Variants in DISC1 observed in about 807,000 individuals in gnomAD.
DISC1 encodes disrupted in schizophrenia 1 protein.
DISC1 carries 57 observed loss-of-function variants against 84.5 expected under a neutral mutation model. The observed-to-expected ratio is 0.67, with a 90% CI of 0.55 to 0.84. The LOEUF is 0.84. Ranked by LOEUF, DISC1 falls within the 40% of genes least tolerant of loss-of-function variation. DISC1 has a pLI of 0.00. For synonymous variants in DISC1, 411 were observed against 415.2 expected, an observed-to-expected ratio of 0.99 and a Z score of 0.12; for missense variants, 1,000 against 1,057.8, an observed-to-expected ratio of 0.95 and a Z score of 0.76.
intron 6 of DISC1, among the ~76,000 whole-genome samples, chr1:231,778,024 G>A (rs2077087260): frequency 6.6e-6 from 1 of 152,168 alleles, no homozygotes; most frequent in Admixed American, 6.5e-5. Context: ...ATGGAAAGAA[G>A]TCCAGCCCAG....
intron 12 of DISC1, among the ~76,000 whole-genome samples, chr1:232,032,341 A>G (rs1199282827): frequency 6.6e-6 from 1 of 152,250 alleles, no homozygotes. Context: ...AGAAGACTCC[A>G]TCTAAAGAAT....
Position 232,009,405 on chromosome 1 carries a change from A to G in DISC1, c.2307+356A>G, listed in dbSNP as rs1191836557. On this transcript the variant is annotated intron_variant, in intron 11 of 12. Coordinates refer to ENST00000439617, the MANE Select transcript of DISC1 (RefSeq NM_018662.3). The surrounding 1 kb of genome is among the most constrained non-coding windows in gnomAD (Gnocchi z 4.6). ...TCACTATAGATTATATATGCCATAC[A>G]TGATATTTAACATATATACTATACA... 1.4e-6 allele frequency: 1 copy of G among 719,622 alleles called. No homozygotes were observed. The highest frequency in any genetic ancestry group is 1.9e-5 in the African/African-American group (1 of 51,416). The allele number at this position is 719,622 out of a possible 1,614,324, so 44.6% of individuals were successfully genotyped here. A position where few individuals can be genotyped will look rare whatever the true frequency, so the allele number is the denominator to read the frequency against.
At chr1:231,833,324 A>C (rs1183962198) in intron 9 of DISC1, among the ~76,000 whole-genome samples, 1 of 151,512 alleles carries the variant, frequency 6.6e-6, no homozygotes, top group African/African-American at 2.4e-5. Flanking sequence ...CAAGGGAAAC[A>C]GGCCCTTGAA....
chr1:231,769,271 TCTGTCTCAA>T (rs1449516816), intron 5 of DISC1, among the ~76,000 whole-genome samples: 1 of 152,164 alleles, frequency 6.6e-6, no homozygotes, highest in Middle Eastern at 3.2e-3. Context: ...TGGGTATATA[TCTGTCTCAA>T]AAAAATTGAA....
At chr1:231,680,033 G>C (rs576685298) in intron 1 of DISC1, among the ~76,000 whole-genome samples, 1 of 152,260 alleles carries the variant, frequency 6.6e-6, no homozygotes, top group Non-Finnish European at 1.5e-5. Context: ...TTTGAGACCA[G>C]CCTGGCCAAC....
intron 9 of DISC1, 21 bp from the exon 10 acceptor site, chr1:231,958,807 G>A (rs1279772969): frequency 6.2e-7 from 1 of 1,611,316 alleles, no homozygotes; most frequent in South Asian, 1.1e-5. Flanking sequence ...ATTAACTTTG[G>A]ATTTCCTTTT....
intron 11 of DISC1, among the ~76,000 whole-genome samples, chr1:232,013,774 C>A (rs821634): frequency 0.38 from 58,390 of 151,850 alleles, 11,666 homozygotes; most frequent in African/African-American, 0.47. Flanking sequence ...GGTATGGGGC[C>A]GGACTCCTCT....
At chr1:231,753,415 C>T (rs919827834) in intron 4 of DISC1, among the ~76,000 whole-genome samples, 1 of 152,236 alleles carries the variant, frequency 6.6e-6, no homozygotes, top group Admixed American at 6.5e-5. Context: ...TGTATCTGGA[C>T]CCCTTTGAGC....
intron 11 of DISC1, among the ~76,000 whole-genome samples, chr1:232,019,389 G>A (rs571381484): frequency 4.6e-5 from 7 of 152,306 alleles, no homozygotes; most frequent in South Asian, 4.1e-4. Context: ...TGAAAGGACC[G>A]CCTGACAAGA....
intron 9 of DISC1, among the ~76,000 whole-genome samples, chr1:231,875,696 C>T (rs1206501285): frequency 6.6e-6 from 1 of 152,320 alleles, no homozygotes; most frequent in East Asian, 1.9e-4. Context: ...GTACAAGGCT[C>T]CATGGTCATT....
At chr1:231,648,141 T>G (rs1267533295) in intron 1 of DISC1, among the ~76,000 whole-genome samples, 1 of 152,248 alleles carries the variant, frequency 6.6e-6, no homozygotes, top group African/African-American at 2.4e-5. Context: ...TTATGCCAGT[T>G]TTCAAAGGTA....
chr1:231,691,150 C>T (rs779044936), intron 1 of DISC1, among the ~76,000 whole-genome samples: 5 of 152,046 alleles, frequency 3.3e-5, no homozygotes, highest in Admixed American at 6.5e-5. Context: ...AGGGGCTGGG[C>T]GCGGTGGCTG....
intron 3 of DISC1, among the ~76,000 whole-genome samples, chr1:231,734,018 G>A (rs1374180512): frequency 6.6e-6 from 1 of 151,624 alleles, no homozygotes; most frequent in East Asian, 1.9e-4. Flanking sequence ...TGGCCGTATT[G>A]GTGGTGTTGG....
intron 6 of DISC1, among the ~76,000 whole-genome samples, chr1:231,783,954 G>T (rs1218405457): frequency 1.3e-5 from 2 of 152,144 alleles, no homozygotes; most frequent in East Asian, 3.9e-4. Context: ...TATTAAAAAG[G>T]GTTCATGGTC....
chr1:231,905,444 C>T (rs770449207), intron 9 of DISC1, among the ~76,000 whole-genome samples: 3 of 150,902 alleles, frequency 2.0e-5, no homozygotes, highest in Non-Finnish European at 4.4e-5. Flanking sequence ...GATAGTGAGA[C>T]CCCCGTCTCC....
intron 9 of DISC1, among the ~76,000 whole-genome samples, chr1:231,865,298 C>T (rs980702413): frequency 5.3e-5 from 8 of 152,182 alleles, no homozygotes; most frequent in South Asian, 2.1e-4. Flanking sequence ...TAGTATCATT[C>T]GTTAATGCCC....
At chr1:231,824,699 G>T (rs1319480078) in intron 9 of DISC1, among the ~76,000 whole-genome samples, 2 of 152,164 alleles carry the variant, frequency 1.3e-5, no homozygotes, top group Non-Finnish European at 1.5e-5. Flanking sequence ...GATGTAGGGG[G>T]TGTCAGTTTA....
intron 9 of DISC1, among the ~76,000 whole-genome samples, chr1:231,917,828 A>G (rs912099347): frequency 6.6e-6 from 1 of 152,236 alleles, no homozygotes; most frequent in African/African-American, 2.4e-5. Flanking sequence ...TAGTACGTCT[A>G]CTGATTATTA....
intron 3 of DISC1, chr1:231,722,598 T>C (rs1330693840): frequency 6.2e-7 from 1 of 1,614,168 alleles, no homozygotes; most frequent in Non-Finnish European, 8.5e-7. Flanking sequence ...CAAACTCCTA[T>C]TAATGAAACT....
Sources: allele counts gnomAD v4.1 joint callset (sites outside exome capture counted in the v4.1 genomes callset), GRCh38; gene constraint gnomAD v4.1.1; non-coding constraint Gnocchi (gnomAD v3.1); transcripts MANE v1.5; gene names NCBI Gene and HGNC (gene_info 2026-07-23, HGNC 2026-07-21).